The following SPG11 variants were observed in gnomAD, a reference collection of about 807,000 sequenced individuals.
SPG11 encodes SPG11 vesicle trafficking associated, spatacsin.
A neutral mutation model predicts 274.0 loss-of-function variants in SPG11; 222 were observed. That is an observed-to-expected ratio of 0.81 (90% CI 0.73 to 0.91). The LOEUF (loss-of-function observed/expected upper bound fraction) is 0.91, where lower values mean the gene tolerates loss of function less well. Among genes scored for constraint, SPG11 ranks in the 40% least tolerant of loss-of-function variants. The pLI, the probability that SPG11 is intolerant of heterozygous loss-of-function variation, is 0.00. For missense variants in SPG11, 3,114 were observed against 2,872.7 expected (o/e 1.08, Z -1.92); for synonymous variants, 1,144 against 1,039.7 (o/e 1.10, Z -1.93).
At chr15:44,585,983 GTTTTTTTTTTT>G (rs71111868) in intron 28 of SPG11, 133 bp from the exon 29 acceptor site, 2 of 286,754 alleles carry the variant, frequency 7.0e-6, no homozygotes, top group African/African-American at 6.3e-5. Context: ...ATAAAAAGCT[GTTTTTTTTTTT>G]TTTTTTTTTT....
chr15:44,577,167 A>T (rs139901150), intron 30 of SPG11, among the ~76,000 whole-genome samples: 10 of 151,902 alleles, frequency 6.6e-5, no homozygotes, highest in East Asian at 5.8e-4. Context: ...ATGTTATGTG[A>T]TTTGCTACAC....
chr15:44,622,142 T>C (rs2083770545), intron 13 of SPG11, 78 bp downstream of exon 13: 2 of 1,502,556 alleles, frequency 1.3e-6, no homozygotes, highest in African/African-American at 1.4e-5. Flanking sequence ...CATAAGAAAC[T>C]TGTGTTCACT....
At position 44,572,722 on chromosome 15, in the gene SPG11, C is replaced by G; in HGVS notation, c.6304G>C (p.Asp2102His). 1 of 1,614,098 alleles carries G rather than the reference C, an allele frequency of 6.2e-7. No individual in the cohort carries two copies. Among genetic ancestry groups the G allele is most frequent in the Non-Finnish European group, 8.5e-7 (1 of 1,180,004 alleles). ...DRTLVGMKLL[D>H]KISSVPHGEL... ...CCATGGGGAACGGAGGAAATCTTAT[C>G]CAACAACTTCATGCCTACCAATGTG... Residue 2102 changes from aspartate (D) to histidine (H), a missense_variant, in exon 33 of 40, where the codon GAT (aspartate) becomes CAT (histidine). Physicochemically the swap from Asp to His is moderately conservative, Grantham distance 81. Transcript: ENST00000261866.
At chr15:44,569,653 A>G (rs769892380) in intron 34 of SPG11, 148 bp from the exon 35 acceptor site, 39 of 702,190 alleles carry the variant, frequency 5.6e-5, no homozygotes, top group Non-Finnish European at 9.3e-5. Flanking sequence ...GCTCCCTCCC[A>G]TGTACCCAAC....
chr15:44,658,167 T>G (rs1455151897), intron 3 of SPG11, among the ~76,000 whole-genome samples: 1 of 152,254 alleles, frequency 6.6e-6, no homozygotes, highest in Admixed American at 6.5e-5. Flanking sequence ...CAACAATAAT[T>G]GTTAATTTAG....
chr15:44,654,702 G>A (rs886371370), intron 4 of SPG11, among the ~76,000 whole-genome samples: 4 of 151,980 alleles, frequency 2.6e-5, no homozygotes, highest in African/African-American at 9.7e-5. Context: ...TTAGCCAGGC[G>A]TGGGTGGTGG....
chr15:44,657,231 T>G lies in SPG11; in HGVS notation c.733A>C (p.Met245Leu), dbSNP rs863224796. The G allele has an allele frequency of 2.5e-6, 4 of 1,613,898 alleles. No homozygotes were observed. Among genetic ancestry groups the G allele is most frequent in the Non-Finnish European group, 3.4e-6 (4 of 1,179,880 alleles). Residue 245 changes from methionine to leucine, a missense_variant, in exon 4 of 40, where the codon ATG (methionine) becomes CTG (leucine). By Grantham distance (15) the Met-to-Leu change is conservative. Coordinates refer to ENST00000261866, the MANE Select transcript of SPG11 (RefSeq NM_025137.4). The stretch of plus-strand genomic sequence containing the variant: ...GGCTCCTGTTGCTGCTCATTACACA[T>G]GTCTTCTTTGTGAAGTGCTAAATCC... ...HVDLALHKEDMCNEQQQEPAK... is the reference protein window; with the variant it reads ...HVDLALHKEDLCNEQQQEPAK...
intron 2 of SPG11, 84 bp downstream of exon 2, chr15:44,660,348 C>T: frequency 1.5e-6 from 2 of 1,296,538 alleles, no homozygotes; most frequent in South Asian, 2.4e-5. Flanking sequence ...CCTGATTTCA[C>T]CTCTATGACT....
At chr15:44,641,374 C>T (rs1344556620) in intron 7 of SPG11, among the ~76,000 whole-genome samples, 2 of 151,870 alleles carry the variant, frequency 1.3e-5, no homozygotes, top group Non-Finnish European at 2.9e-5. Flanking sequence ...TAATTAAATT[C>T]CATTAAAATT....
intron 1 of SPG11, among the ~76,000 whole-genome samples, chr15:44,662,147 AC>A (rs1223858247): frequency 6.6e-5 from 10 of 152,298 alleles, no homozygotes; most frequent in Non-Finnish European, 1.2e-4. Flanking sequence ...TTTATAAATA[AC>A]TTAGTTTATA....
intron 11 of SPG11, among the ~76,000 whole-genome samples, chr15:44,625,293 T>A (rs1751218970): frequency 6.6e-6 from 1 of 151,976 alleles, no homozygotes; most frequent in African/African-American, 2.4e-5. Flanking sequence ...GCCTCAGCCT[T>A]CTGAGTAGCT....
At chr15:44,659,030 G>A (rs1228221441) in intron 3 of SPG11, 49 bp downstream of exon 3, 2 of 1,558,624 alleles carry the variant, frequency 1.3e-6, no homozygotes, top group Non-Finnish European at 1.8e-6. Context: ...ATCTTTATAG[G>A]TGTTCTTCTC....
At position 44,622,788 on chromosome 15, in the gene SPG11, T is replaced by C. The variant is rs1362966751; in HGVS notation, c.2256A>G (p.Val752=). ...SELLKNMGFD[V]KGQLLKICFY... ...AGCAGATCTTGAGCAATTGGCCTTT[T>C]ACATCAAACCCCTAAAATAAACATA... Residue 752 remains valine, a synonymous_variant, in exon 12 of 40, where the codon GTA becomes GTG. Coordinates refer to ENST00000261866, the MANE Select transcript of SPG11 (RefSeq NM_025137.4). 1 of 1,613,668 alleles carries C rather than the reference T, an allele frequency of 6.2e-7. No individual in the cohort carries two copies. The highest frequency in any genetic ancestry group is 1.7e-5 in the Admixed American group (1 of 60,018).
chr15:44,620,443 T>C (rs1193818390), intron 14 of SPG11, 40 bp from the exon 15 acceptor site: 1 of 1,393,770 alleles, frequency 7.2e-7, no homozygotes, highest in East Asian at 2.5e-5. Context: ...TAATTAATTA[T>C]GTCTATTGAC....
At chr15:44,601,151 T>TCAAAAAAA (rs2083176532) in intron 20 of SPG11, among the ~76,000 whole-genome samples, 1 of 151,844 alleles carries the variant, frequency 6.6e-6, no homozygotes, top group Non-Finnish European at 1.5e-5. Context: ...AAACTTCATT[T>TCAAAAAAA]CAAAAAAACA....
chr15:44,571,455 G>A (rs1419355316), intron 33 of SPG11, among the ~76,000 whole-genome samples: 2 of 151,764 alleles, frequency 1.3e-5, no homozygotes, highest in African/African-American at 2.4e-5. Flanking sequence ...GAACTGGACC[G>A]AGAAGAGATA....
intron 30 of SPG11, among the ~76,000 whole-genome samples, chr15:44,581,347 C>A (rs547884764): frequency 3.3e-5 from 5 of 152,032 alleles, no homozygotes; most frequent in Non-Finnish European, 5.9e-5. Context: ...GCTGGGACTA[C>A]AGGCATGTGC....
chr15:44,656,372 A>C (rs1016041497), intron 4 of SPG11, among the ~76,000 whole-genome samples: 6 of 152,260 alleles, frequency 3.9e-5, no homozygotes, highest in Non-Finnish European at 5.9e-5. Context: ...TTGCCAGACC[A>C]AGTGCTATCA....
chr15:44,598,589 C>A, intron 22 of SPG11, 42 bp downstream of exon 22: 4 of 1,583,408 alleles, frequency 2.5e-6, no homozygotes, highest in Non-Finnish European at 3.5e-6. Flanking sequence ...GACCTCGTCA[C>A]ACCTTCTCTA....
Sources: allele counts gnomAD v4.1 joint callset (sites outside exome capture counted in the v4.1 genomes callset), GRCh38; gene constraint gnomAD v4.1.1; transcripts MANE v1.5; gene names NCBI Gene and HGNC (gene_info 2026-07-23, HGNC 2026-07-21).